The following MTHFD1L variants were observed in gnomAD, a reference collection of about 807,000 sequenced individuals.
The protein encoded by MTHFD1L is monofunctional C1-tetrahydrofolate synthase, mitochondrial.
A neutral mutation model predicts 119.5 loss-of-function variants in MTHFD1L; 81 were observed. The ratio of observed to expected loss-of-function variants is 0.68; its 90% CI spans 0.57 to 0.82. The LOEUF is 0.82. Among genes scored for constraint, MTHFD1L ranks in the 40% least tolerant of loss-of-function variants. MTHFD1L has a pLI of 0.00. For missense variants in MTHFD1L, 1,125 were observed against 1,253.4 expected, an observed-to-expected ratio of 0.90 and a Z score of 1.55; for synonymous variants, 430 against 475.2, an observed-to-expected ratio of 0.90 and a Z score of 1.24.
chr6:151,015,097 C>T (rs1782836283), intron 23 of MTHFD1L, 117 bp downstream of exon 23: 1 of 751,380 alleles, frequency 1.3e-6, no homozygotes, highest in Non-Finnish European at 2.1e-6. Flanking sequence ...TACAGAAATA[C>T]CCAGTTCTTT....
chr6:151,069,251 T>TTCTCTCTCTC (rs371324778), intron 26 of MTHFD1L, among the ~76,000 whole-genome samples: 3,874 of 136,598 alleles, frequency 0.028, 67 homozygotes, highest in Middle Eastern at 0.044. Flanking sequence ...TTCTCTCTCT[T>TTCTCTCTCTC]TCTCTCTCTC....
chr6:151,086,257 TTA>T (rs1379141749), intron 26 of MTHFD1L, among the ~76,000 whole-genome samples: 2 of 152,126 alleles, frequency 1.3e-5, no homozygotes, highest in Admixed American at 1.3e-4. Flanking sequence ...TCTATTTTCA[TTA>T]TATAGTGTGT....
At chr6:150,989,004 T>G (rs1400141557) in intron 20 of MTHFD1L, among the ~76,000 whole-genome samples, 3 of 152,092 alleles carry the variant, frequency 2.0e-5, no homozygotes, top group Non-Finnish European at 4.4e-5. Context: ...CTTCCCAAAG[T>G]GCTGGGATTA....
At chr6:150,868,914 A>G (rs1366584618) in intron 1 of MTHFD1L, among the ~76,000 whole-genome samples, 1 of 152,068 alleles carries the variant, frequency 6.6e-6, no homozygotes, top group African/African-American at 2.4e-5. Context: ...ATTTTAAAAA[A>G]TTAACTGGGC....
intron 26 of MTHFD1L, among the ~76,000 whole-genome samples, chr6:151,056,409 A>C (rs1476256052): frequency 1.3e-5 from 2 of 152,196 alleles, no homozygotes; most frequent in African/African-American, 4.8e-5. Flanking sequence ...ATTGCCAGAG[A>C]ATAGGACTTT....
intron 20 of MTHFD1L, among the ~76,000 whole-genome samples, chr6:150,974,841 A>T (rs772660968): frequency 1.3e-4 from 19 of 151,654 alleles, no homozygotes; most frequent in Middle Eastern, 6.8e-3. Flanking sequence ...GGTTCAAGCG[A>T]TCCTCCTACC....
At chr6:150,985,640 G>A in intron 20 of MTHFD1L, among the ~76,000 whole-genome samples, 2 of 125,488 alleles carry the variant, frequency 1.6e-5, no homozygotes, top group Admixed American at 1.0e-4. Flanking sequence ...CAGCCTGGGT[G>A]ACAGAGTGAG....
chr6:150,925,495 A>G (rs1046619983), intron 10 of MTHFD1L, among the ~76,000 whole-genome samples: 4 of 152,124 alleles, frequency 2.6e-5, no homozygotes, highest in Non-Finnish European at 4.4e-5. Flanking sequence ...AGTTCCTACA[A>G]TTTCCTGTCT....
intron 26 of MTHFD1L, among the ~76,000 whole-genome samples, chr6:151,085,323 A>G (rs529707511): frequency 3.9e-4 from 60 of 152,294 alleles, no homozygotes; most frequent in African/African-American, 1.3e-3. Flanking sequence ...AAGGCCACTG[A>G]AATAATTGGC....
intron 26 of MTHFD1L, among the ~76,000 whole-genome samples, chr6:151,090,994 GTT>G (rs1794352668): frequency 8.2e-6 from 1 of 122,558 alleles, no homozygotes. Flanking sequence ...GTGCAGCATC[GTT>G]CCATGCGACT....
At chr6:150,947,076 A>C (rs1794083253) in intron 15 of MTHFD1L, among the ~76,000 whole-genome samples, 1 of 130,124 alleles carries the variant, frequency 7.7e-6, no homozygotes, top group Non-Finnish European at 1.8e-5. Flanking sequence ...CTCCATCTCA[A>C]AAAAGAAAAA....
At chr6:151,034,123 G>C (rs1785756416) in intron 24 of MTHFD1L, among the ~76,000 whole-genome samples, 1 of 152,076 alleles carries the variant, frequency 6.6e-6, no homozygotes, top group Admixed American at 6.5e-5. Context: ...TGAGGCTGCA[G>C]TGGGCTGAGA....
chr6:151,051,112 C>T (rs1238330780), intron 26 of MTHFD1L, among the ~76,000 whole-genome samples: 1 of 152,156 alleles, frequency 6.6e-6, no homozygotes, highest in East Asian at 1.9e-4. Flanking sequence ...GAGGCCCACC[C>T]CGTCACTCCA....
At chr6:151,076,233 C>CTGTAGTCT (rs1554298735) in intron 26 of MTHFD1L, among the ~76,000 whole-genome samples, 37,265 of 151,876 alleles carry the variant, frequency 0.25, 4,661 homozygotes, top group South Asian at 0.33. Context: ...TTGTGGTGGC[C>CTGTAGTCT]TAGCTGCTCA....
At chr6:150,897,359 T>C (rs1415114149) in intron 7 of MTHFD1L, among the ~76,000 whole-genome samples, 1 of 152,230 alleles carries the variant, frequency 6.6e-6, no homozygotes, top group Non-Finnish European at 1.5e-5. Context: ...CATTGGATTA[T>C]GTTCTAAATG....
At chr6:150,984,396 G>A (rs1345891541) in intron 20 of MTHFD1L, among the ~76,000 whole-genome samples, 3 of 152,072 alleles carry the variant, frequency 2.0e-5, no homozygotes, top group African/African-American at 7.2e-5. Context: ...CAAAACAAAT[G>A]AGAATTAAGT....
At chr6:150,934,626 A>C (rs1562408445) in intron 11 of MTHFD1L, among the ~76,000 whole-genome samples, 1 of 152,202 alleles carries the variant, frequency 6.6e-6, no homozygotes, top group Non-Finnish European at 1.5e-5. Context: ...TGACGCCTCT[A>C]AAGACATTCT....
intron 7 of MTHFD1L, among the ~76,000 whole-genome samples, chr6:150,888,212 C>T (rs568426240): frequency 6.6e-6 from 1 of 152,174 alleles, no homozygotes. Context: ...CATTCTAATA[C>T]AATCCTTTTC....
chr6:151,010,041 A>G (rs557705810), intron 21 of MTHFD1L, 83 bp downstream of exon 21: 603 of 1,444,238 alleles, frequency 4.2e-4, no homozygotes, highest in Admixed American at 8.5e-4. Context: ...ATTCCTGCCC[A>G]TTTAATGACT....
Sources: allele counts gnomAD v4.1 joint callset (sites outside exome capture counted in the v4.1 genomes callset), GRCh38; gene constraint gnomAD v4.1.1; transcripts MANE v1.5; gene names NCBI Gene and HGNC (gene_info 2026-07-23, HGNC 2026-07-21).